Variants in CACNA1C observed in about 807,000 individuals in gnomAD.
CACNA1C encodes voltage-dependent L-type calcium channel subunit alpha-1C.
A neutral mutation model predicts 229.0 loss-of-function variants in CACNA1C; 30 were observed. The observed-to-expected ratio is 0.13, with a 90% CI of 0.10 to 0.18. The LOEUF is 0.18. Ranked by LOEUF, CACNA1C falls within the 10% of genes least tolerant of loss-of-function variation. The probability of loss-of-function intolerance (pLI) is 1.00; values close to 1 mark genes in which losing one functional copy is unlikely to be tolerated. For synonymous variants in CACNA1C, 1,114 were observed against 1,132.5 expected, an observed-to-expected ratio of 0.98 and a Z score of 0.33; for missense variants, 1,658 against 2,845.0, an observed-to-expected ratio of 0.58 and a Z score of 9.49.
chr12:2,386,898 C>T (rs2098401403), intron 3 of CACNA1C, among the ~76,000 whole-genome samples: 1 of 152,202 alleles, frequency 6.6e-6, no homozygotes. Context: ...CAGTCCTCCA[C>T]CTGACCCAGC....
At chr12:2,342,149 C>A (rs1306632575) in intron 3 of CACNA1C, among the ~76,000 whole-genome samples, 1 of 152,220 alleles carries the variant, frequency 6.6e-6, no homozygotes, top group Non-Finnish European at 1.5e-5. Context: ...CTTCCCTTGG[C>A]TCCCTTGAGC....
intron 3 of CACNA1C, among the ~76,000 whole-genome samples, chr12:2,231,953 G>A (rs1453731466): frequency 6.6e-6 from 1 of 152,028 alleles, no homozygotes; most frequent in Non-Finnish European, 1.5e-5. Flanking sequence ...ATAATTTTAG[G>A]CTTAAAGTAG....
rs1273016052 is a variant in CACNA1C at position 1,982,926 on chromosome 12, G to C, written c.139+11725G>C. ...ACTATCTGAACTTGGAGTTTTGTTA[G>C]ATTTTTAATTACAAATTCAATTCCT... On this transcript the variant is annotated intron_variant, in intron 1 of 46. Coordinates refer to the CACNA1C transcript ENST00000682462. 2.0e-5 allele frequency among the ~76,000 whole-genome samples: 3 copies of C among 152,086 alleles called. No homozygotes were observed. The East Asian group carries it at 5.8e-4, about 29-fold the overall frequency.
chr12:2,544,027 T>G (rs2099876803), intron 9 of CACNA1C, among the ~76,000 whole-genome samples: 1 of 152,100 alleles, frequency 6.6e-6, no homozygotes, highest in South Asian at 2.1e-4. Flanking sequence ...GACCATTCAT[T>G]ATGAGAGTCC....
chr12:2,071,378 C>T (rs949419533), intron 1 of CACNA1C, among the ~76,000 whole-genome samples: 2 of 151,360 alleles, frequency 1.3e-5, no homozygotes, highest in Admixed American at 6.6e-5. Context: ...GCACCATGCC[C>T]AACTAATTGT....
intron 13 of CACNA1C, among the ~76,000 whole-genome samples, chr12:2,578,685 G>T (rs2154594487): frequency 6.6e-6 from 1 of 152,320 alleles, no homozygotes; most frequent in Admixed American, 6.5e-5. Context: ...TGAGCCAAAA[G>T]CTATGGTTCT....
intron 1 of CACNA1C, among the ~76,000 whole-genome samples, chr12:2,031,539 T>C (rs936562601): frequency 6.6e-6 from 1 of 152,210 alleles, no homozygotes. Flanking sequence ...GAGTTTCTTT[T>C]TTATTTCCAT....
chr12:2,683,161 T>G (rs552367757), intron 43 of CACNA1C, among the ~76,000 whole-genome samples: 1 of 152,286 alleles, frequency 6.6e-6, no homozygotes, highest in East Asian at 1.9e-4. Flanking sequence ...TAGAGTATTT[T>G]TAGCTGCAGT....
chr12:2,625,674 G>A (rs1365835425), intron 29 of CACNA1C, among the ~76,000 whole-genome samples: 1 of 152,112 alleles, frequency 6.6e-6, no homozygotes, highest in Non-Finnish European at 1.5e-5. Context: ...TAAGGGGCCA[G>A]GCACAGTGGC....
rs1451773985 is a variant in CACNA1C, at chr12:2,654,335, G to A, written c.4140+435G>A. ...CCAGATTCATTTGAAGCTAATGGCT[G>A]AGAGGGAGGGAGGGAAGAAGGAAGC... On this transcript the variant is annotated intron_variant, in intron 33 of 46. Coordinates refer to ENST00000399655, the MANE Select transcript of CACNA1C (RefSeq NM_000719.7). This position sits in a 1 kb window ranked among gnomAD's most constrained non-coding sequence, Gnocchi z 4.4. Among the ~76,000 whole-genome samples the A allele has an allele frequency of 1.3e-5, 2 of 152,240 alleles. No individual in the cohort carries two copies. The highest frequency in any genetic ancestry group is 2.9e-5 in the Non-Finnish European group (2 of 68,040).
At position 2,319,583 on chromosome 12, in the gene CACNA1C, G is replaced by A. The variant is rs1464979716; in HGVS notation, c.478-129393G>A. On this transcript the variant is annotated intron_variant, in intron 3 of 46. Coordinates refer to ENST00000399655, the MANE Select transcript of CACNA1C (RefSeq NM_000719.7). The surrounding 1 kb of genome is among the most constrained non-coding windows in gnomAD (Gnocchi z 4.0). ...GCATTGCCGGGTGAGCCTGAGATAA[G>A]GGTGTAGCTCTGCTCATTTCTGGAG... 1.3e-5 allele frequency among the ~76,000 whole-genome samples: 2 copies of A among 152,284 alleles called. No homozygotes were observed. The highest frequency in any genetic ancestry group is 4.8e-5 in the African/African-American group (2 of 41,552).
At position 2,377,135 on chromosome 12, in the gene CACNA1C, C is replaced by T. The variant is rs140300331; in HGVS notation, c.478-71841C>T. On this transcript the variant is annotated intron_variant, in intron 3 of 46. Coordinates refer to ENST00000399655, the MANE Select transcript of CACNA1C (RefSeq NM_000719.7). ...TGGAGGAGAAGGAAGGGCTGGGACA[C>T]GGCCAACAAAAGGAGAAATTAAATG... Among the ~76,000 whole-genome samples, 128 of 152,244 alleles carry T rather than the reference C, an allele frequency of 8.4e-4. 1 individual carries two copies. Among genetic ancestry groups the T allele is most frequent in the African/African-American group, 2.7e-3 (112 of 41,544 alleles).
At chr12:2,521,998 GCCAGACTGCATCTTGTTTT>G (rs1174892773) in intron 9 of CACNA1C, among the ~76,000 whole-genome samples, 1 of 152,208 alleles carries the variant, frequency 6.6e-6, no homozygotes. Flanking sequence ...CTGCCGCAAA[GCCAGACTGCATCTTGTTTT>G]CCAGAAACGC....
intron 3 of CACNA1C, among the ~76,000 whole-genome samples, chr12:2,151,491 G>A (rs2095261866): frequency 1.3e-5 from 2 of 152,094 alleles, no homozygotes; most frequent in African/African-American, 4.8e-5. Flanking sequence ...CCCTTTTCAG[G>A]AGCAACTCTG....
intron 5 of CACNA1C, among the ~76,000 whole-genome samples, chr12:2,477,486 A>G (rs1051998156): frequency 1.3e-5 from 2 of 152,132 alleles, no homozygotes; most frequent in Non-Finnish European, 2.9e-5. Context: ...GAGTCATCCT[A>G]CAGTTGCGCT....
intron 5 of CACNA1C, among the ~76,000 whole-genome samples, chr12:2,469,336 C>T (rs1222743675): frequency 1.3e-5 from 2 of 152,190 alleles, no homozygotes; most frequent in Admixed American, 1.3e-4. Flanking sequence ...TACTATCTGC[C>T]AGGCATCGAG....
At chr12:2,472,048 T>G (rs1466698907) in intron 5 of CACNA1C, among the ~76,000 whole-genome samples, 1 of 152,242 alleles carries the variant, frequency 6.6e-6, no homozygotes, top group Non-Finnish European at 1.5e-5. Context: ...AAATTTTCTC[T>G]CTCAGTTTTC....
At chr12:2,446,128 G>A (rs539636887) in intron 3 of CACNA1C, among the ~76,000 whole-genome samples, 3 of 151,936 alleles carry the variant, frequency 2.0e-5, no homozygotes, top group African/African-American at 7.2e-5. Context: ...TGGGTAGATG[G>A]ATAGATGGAT....
At chr12:2,413,877 G>A (rs1411056139) in intron 3 of CACNA1C, among the ~76,000 whole-genome samples, 2 of 152,148 alleles carry the variant, frequency 1.3e-5, no homozygotes, top group Non-Finnish European at 2.9e-5. Context: ...CTCTTCCCCA[G>A]GCACTTCTTT....
Sources: allele counts gnomAD v4.1 joint callset (sites outside exome capture counted in the v4.1 genomes callset), GRCh38; gene constraint gnomAD v4.1.1; non-coding constraint Gnocchi (gnomAD v3.1); transcripts MANE v1.5; gene names NCBI Gene and HGNC (gene_info 2026-07-23, HGNC 2026-07-21).